Variants in TRAF6 observed in about 807,000 individuals in gnomAD.
TRAF6 encodes the protein TNF receptor associated factor 6.
In TRAF6, 10 loss-of-function variants were observed where a neutral mutation model predicts 48.4. The observed-to-expected ratio is 0.21, with a 90% CI of 0.13 to 0.35. The LOEUF (loss-of-function observed/expected upper bound fraction) is 0.35, where lower values mean the gene tolerates loss of function less well. Among genes scored for constraint, TRAF6 ranks in the 10% least tolerant of loss-of-function variants. The probability of loss-of-function intolerance (pLI) is 1.00; values close to 1 mark genes in which losing one functional copy is unlikely to be tolerated. For missense variants in TRAF6, 397 were observed against 661.0 expected (o/e 0.60, Z 4.38); for synonymous variants, 186 against 219.6 (o/e 0.85, Z 1.35).
At chr11:36,497,681 T>C (rs1300405945) in intron 3 of TRAF6, among the ~76,000 whole-genome samples, 1 of 152,180 alleles carries the variant, frequency 6.6e-6, no homozygotes, top group Non-Finnish European at 1.5e-5. Flanking sequence ...ATTGATCTAT[T>C]TAGTATAAAA....
intron 4 of TRAF6, among the ~76,000 whole-genome samples, chr11:36,495,853 T>C (rs971465613): frequency 1.3e-5 from 2 of 152,044 alleles, no homozygotes; most frequent in Non-Finnish European, 2.9e-5. Flanking sequence ...GATTGCGCCA[T>C]TGCATTCCAG....
At chr11:36,498,423 C>CA in intron 3 of TRAF6, 67 bp downstream of exon 3, 1 of 1,454,032 alleles carries the variant, frequency 6.9e-7, no homozygotes, top group Non-Finnish European at 9.3e-7. Flanking sequence ...ATGGACACAG[C>CA]AAAGTCCCTA....
intron 1 of TRAF6, among the ~76,000 whole-genome samples, chr11:36,509,688 G>A (rs976190019): frequency 6.6e-6 from 1 of 152,154 alleles, no homozygotes; most frequent in Non-Finnish European, 1.5e-5. Flanking sequence ...GCGAGGAAGA[G>A]GAGGCCTGGG....
intron 1 of TRAF6, among the ~76,000 whole-genome samples, chr11:36,502,749 G>C (rs1237747653): frequency 6.6e-6 from 1 of 152,152 alleles, no homozygotes; most frequent in African/African-American, 2.4e-5. Context: ...TCAGGTGCTG[G>C]AATTGAATGA....
Position 36,495,180 on chromosome 11 carries a change from A to C in TRAF6, c.607-133T>G, listed in dbSNP as rs553141347. On this transcript the variant is annotated intron_variant, in intron 4 of 6. Transcript: ENST00000526995. The stretch of plus-strand genomic sequence containing the variant: ...AATTTGTACAAAGCAAAAGTGAGTG[A>C]AAGTGAGAGTAATATATAAAGGCTA... The C allele has an allele frequency of 1.3e-3, 769 of 611,658 alleles. 9 individuals carry two copies. In the South Asian group the frequency reaches 0.016, roughly 13 times the overall value. The allele number at this position is 611,658 out of a possible 1,614,324, so 37.9% of individuals were successfully genotyped here. A position where few individuals can be genotyped will look rare whatever the true frequency, so the allele number is the denominator to read the frequency against.
At chr11:36,496,052 T>A (rs1380421419) in intron 4 of TRAF6, among the ~76,000 whole-genome samples, 1 of 152,102 alleles carries the variant, frequency 6.6e-6, no homozygotes, top group Non-Finnish European at 1.5e-5. Context: ...CAACGTGAAT[T>A]TATAAAAACT....
rs574418585 is a variant in TRAF6, at chr11:36,503,524, C to A, written c.-22-1987G>T. Among the ~76,000 whole-genome samples the A allele has an allele frequency of 9.4e-4, 143 of 152,286 alleles. 1 individual carries two copies. Among genetic ancestry groups the A allele is most frequent in the Middle Eastern group, 3.4e-3 (1 of 292 alleles). Reference sequence around the variant, plus strand: ...TCTGGAACTCCTCACCTCAAACGATCCACCTGCCCTGGCCTCCCAAAGTGT... The same window carrying A: ...TCTGGAACTCCTCACCTCAAACGATACACCTGCCCTGGCCTCCCAAAGTGT... On this transcript the variant is annotated intron_variant, in intron 1 of 6. Coordinates refer to ENST00000526995, the MANE Select transcript of TRAF6 (RefSeq NM_004620.4).
At chr11:36,503,655 G>A (rs1452342173) in intron 1 of TRAF6, among the ~76,000 whole-genome samples, 2 of 152,126 alleles carry the variant, frequency 1.3e-5, no homozygotes, top group African/African-American at 4.8e-5. Context: ...ATCTGATGTG[G>A]ACTCCTAGGG....
intron 1 of TRAF6, among the ~76,000 whole-genome samples, chr11:36,509,752 G>A (rs1440379041): frequency 6.6e-6 from 1 of 152,128 alleles, no homozygotes; most frequent in Non-Finnish European, 1.5e-5. Context: ...GAAGCGTGGG[G>A]ACAGAGGCTG....
Position 36,490,011 on chromosome 11 carries a change from G to A in TRAF6, c.1396C>T (p.Arg466Trp), listed in dbSNP as rs1378303413. ...LLAFQRPTIPRNPKGFGYVTF... is the reference protein window; with the variant it reads ...LLAFQRPTIPWNPKGFGYVTF... ...ACATAGCCAAAACCTTTTGGGTTCC[G>A]TGGGATTGTGGGTCGCTGGAAAGCA... Residue 466 changes from arginine to tryptophan, a missense_variant, in exon 7 of 7, where the codon CGG (arginine) becomes TGG (tryptophan). Arg to Trp is a moderately radical substitution (Grantham distance 101). Transcript: ENST00000526995. The surrounding 1 kb of genome is among the most constrained non-coding windows in gnomAD (Gnocchi z 6.4). 6.2e-7 allele frequency: 1 copy of A among 1,614,172 alleles called. No individual in the cohort carries two copies. The highest frequency in any genetic ancestry group is 8.5e-7 in the Non-Finnish European group (1 of 1,180,030).
chr11:36,497,281 A>AG lies in TRAF6; in HGVS notation c.448-16_448-15insC, dbSNP rs397757976. The AG allele has an allele frequency of 3.1e-6, 5 of 1,604,192 alleles. No homozygotes were observed. In the East Asian group the frequency reaches 1.1e-4, roughly 36 times the overall value. On this transcript the variant is annotated splice_polypyrimidine_tract_variant and intron_variant, in intron 3 of 6. Transcript: ENST00000526995. ...GCTTGATGATCCTATAATTAAAAAA[A>AG]TAATGGATTAGCATTAGCCAACTCT...
intron 1 of TRAF6, among the ~76,000 whole-genome samples, chr11:36,508,774 G>A (rs1859846456): frequency 6.6e-6 from 1 of 152,122 alleles, no homozygotes; most frequent in Non-Finnish European, 1.5e-5. Context: ...CTCAACTGTT[G>A]TGCCTTAACT....
At chr11:36,507,840 A>G (rs1271155388) in intron 1 of TRAF6, among the ~76,000 whole-genome samples, 3 of 147,086 alleles carry the variant, frequency 2.0e-5, no homozygotes, top group South Asian at 2.1e-4. Context: ...ATATATGTGT[A>G]TATATATACA....
intron 1 of TRAF6, among the ~76,000 whole-genome samples, chr11:36,507,777 A>C (rs1215293093): frequency 7.1e-6 from 1 of 141,510 alleles, no homozygotes; most frequent in South Asian, 2.2e-4. Context: ...AACATATACA[A>C]ATATATGTAT....
At chr11:36,501,607 ATAGCT>A in intron 1 of TRAF6, 70 bp from the exon 2 acceptor site, 4 of 1,150,450 alleles carry the variant, frequency 3.5e-6, no homozygotes, top group Non-Finnish European at 3.6e-6. Context: ...CATATATATC[ATAGCT>A]TATCTATACA....
chr11:36,490,698 G>A lies in TRAF6; in HGVS notation c.757-48C>T, dbSNP rs1296407873. 6.5e-7 allele frequency: 1 copy of A among 1,527,242 alleles called. No homozygotes were observed. Among genetic ancestry groups the A allele is most frequent in the Admixed American group, 2.0e-5 (1 of 51,176 alleles). The allele number at this position is 1,527,242 out of a possible 1,614,324, so 94.6% of individuals were successfully genotyped here. ...AGGCTGGGAATAGATACCGTGAGGA[G>A]TAGGAAAAGGACCTGGCCAGGTCAA... On this transcript the variant is annotated intron_variant, in intron 6 of 6. Transcript: ENST00000526995. This position sits in a 1 kb window ranked among gnomAD's most constrained non-coding sequence, Gnocchi z 6.4.
At chr11:36,495,620 G>C (rs544998882) in intron 4 of TRAF6, among the ~76,000 whole-genome samples, 1 of 152,026 alleles carries the variant, frequency 6.6e-6, no homozygotes, top group Non-Finnish European at 1.5e-5. Flanking sequence ...CGGGCCGGGC[G>C]TGGTGGCTCA....
rs371814893 is a variant in TRAF6, at chr11:36,503,646, T to C, written c.-22-2109A>G. Reference sequence around the variant, plus strand: ...AAATAGCTCCCATGGCCTTGCTATATCTGATGTGGACTCCTAGGGAAGGTT... The same window carrying C: ...AAATAGCTCCCATGGCCTTGCTATACCTGATGTGGACTCCTAGGGAAGGTT... On this transcript the variant is annotated intron_variant, in intron 1 of 6. Coordinates refer to ENST00000526995, the MANE Select transcript of TRAF6 (RefSeq NM_004620.4). 3.3e-5 allele frequency among the ~76,000 whole-genome samples: 5 copies of C among 152,274 alleles called. No individual in the cohort carries two copies. The South Asian group carries it at 6.2e-4, about 19-fold the overall frequency.
In TRAF6 at chr11:36,488,710, A is replaced by G. The variant is rs1859521456; in HGVS notation, c.*1128T>C. 6.6e-6 allele frequency: 1 copy of G among 152,224 alleles called. No homozygotes were observed. Among genetic ancestry groups the G allele is most frequent in the African/African-American group, 2.4e-5 (1 of 41,462 alleles). The allele number at this position is 152,224 out of a possible 1,614,324, so 9.4% of individuals were successfully genotyped here. A position where few individuals can be genotyped will look rare whatever the true frequency, so the allele number is the denominator to read the frequency against. On this transcript the variant is annotated 3_prime_UTR_variant, in exon 7 of 7. Coordinates refer to ENST00000526995, the MANE Select transcript of TRAF6 (RefSeq NM_004620.4). The stretch of plus-strand genomic sequence containing the variant: ...TCAGAACCTGCAGTTGTTAGGCTAC[A>G]GCAACATACTCAAGCTAAGTTGTGA...
Sources: gnomAD v4.1 joint callset for allele counts (sites outside exome capture counted in the v4.1 genomes callset) on GRCh38, gnomAD v4.1.1 for gene constraint, Gnocchi (gnomAD v3.1) non-coding constraint, MANE v1.5 for transcripts, NCBI Gene and HGNC (gene_info 2026-07-23, HGNC 2026-07-21) for gene names.